Variants in RUSC1 observed in about 807,000 individuals in gnomAD.
The protein encoded by RUSC1 is AP-4 complex accessory subunit RUSC1.
Under a neutral mutation model 72.1 loss-of-function variants are expected in RUSC1, and 40 were observed. That is an observed-to-expected ratio of 0.55 (90% confidence interval 0.43 to 0.72). RUSC1 has a LOEUF of 0.72. RUSC1 is among the 30% of genes least tolerant of loss of function. RUSC1 has a pLI of 0.00. For missense variants in RUSC1, 1,092 were observed against 1,172.3 expected, an observed-to-expected ratio of 0.93 and a Z score of 1.00; for synonymous variants, 512 against 494.2, an observed-to-expected ratio of 1.04 and a Z score of -0.48.
Position 155,325,146 on chromosome 1 carries a change from C to T in RUSC1, c.1501C>T (p.His501Tyr), listed in dbSNP as rs1333016746. 5 of 1,614,124 alleles carry T rather than the reference C, an allele frequency of 3.1e-6. No homozygotes were observed. Among genetic ancestry groups the T allele is most frequent in the East Asian group, 4.5e-5 (2 of 44,900 alleles). ...VSVSVDKIIS[H>Y]FGAARNLVQK... is the part of the protein sequence containing the mutation. ...CGTCTCCGTTGATAAAATCATCTCGCATTTCGGGGCCGCCCGGAACTTGGT... is the reference window on the plus strand; with the variant it reads ...CGTCTCCGTTGATAAAATCATCTCGTATTTCGGGGCCGCCCGGAACTTGGT... Residue 501 changes from histidine to tyrosine, a missense_variant, in exon 4 of 10, where the codon CAT (histidine) becomes TAT (tyrosine). Physicochemically the swap from His to Tyr is moderately conservative, Grantham distance 83. Transcript: ENST00000368352. This position sits in a 1 kb window ranked among gnomAD's most constrained non-coding sequence, Gnocchi z 6.5.
In RUSC1 at chr1:155,321,679, G is replaced by A. The variant is rs60455144; in HGVS notation, c.-86-9G>A. On this transcript the variant is annotated splice_polypyrimidine_tract_variant and intron_variant, in intron 1 of 9. Transcript: ENST00000368352. ...TCACTGGCCGGGCTTCACCACCTCT[G>A]TCTTCTAGGTCTGCACCTGTGGTTG... The A allele has an allele frequency of 2.3e-3, 3,443 of 1,515,316 alleles. 69 individuals carry two copies. In the African/African-American group the frequency reaches 0.041, roughly 18 times the overall value. The allele number at this position is 1,515,316 out of a possible 1,614,324, so 93.9% of individuals were successfully genotyped here. A position where few individuals can be genotyped will look rare whatever the true frequency, so the allele number is the denominator to read the frequency against.
At chr1:155,323,211 T>A in intron 2 of RUSC1, 81 bp downstream of exon 2, 3 of 1,350,984 alleles carry the variant, frequency 2.2e-6, no homozygotes, top group Non-Finnish European at 2.9e-6. Context: ...CCCCCTGTCT[T>A]CCCTCCATTC....
In RUSC1 at chr1:155,325,215, G is replaced by A. The variant is rs778428376; in HGVS notation, c.1533+37G>A. ...TGGGGGGAGGCTGTTGGGATGAGGA[G>A]AGTAATGGAGCTCCGCGGGGGGTGC... On this transcript the variant is annotated intron_variant, in intron 4 of 9. Coordinates refer to ENST00000368352, the MANE Select transcript of RUSC1 (RefSeq NM_001105203.2). This position sits in a 1 kb window ranked among gnomAD's most constrained non-coding sequence, Gnocchi z 6.5. 1.2e-6 allele frequency: 2 copies of A among 1,613,980 alleles called. No homozygotes were observed. The highest frequency in any genetic ancestry group is 2.2e-5 in the South Asian group (2 of 91,084).
At chr1:155,321,274 G>T (rs368539967) in intron 1 of RUSC1, 1 of 1,368,242 alleles carries the variant, frequency 7.3e-7, no homozygotes, top group Admixed American at 1.9e-5. Context: ...CAAACTCTGC[G>T]TATTGCCCCA....
rs371550173 is a variant in RUSC1 at position 155,322,418 on chromosome 1, G to T, written c.645G>T (p.Ala215=). 3 of 1,614,010 alleles carry T rather than the reference G, an allele frequency of 1.9e-6. No individual in the cohort carries two copies. The African/African-American group carries it at 4.0e-5, about 22-fold the overall frequency. The change falls in exon 2 of 10, where the codon GCG becomes GCT. Residue 215 remains alanine, a synonymous_variant. Transcript: ENST00000368352. ...QDLPTSELLE[A]DDGKIDAGKT... is the part of the protein sequence containing the mutation. The stretch of plus-strand genomic sequence containing the variant: ...TCCCTACCTCTGAGCTCTTAGAGGC[G>T]GATGATGGGAAAATCGACGCTGGGA...
At chr1:155,321,439 C>A (rs534045514) in intron 1 of RUSC1, 85 of 1,421,834 alleles carry the variant, frequency 6.0e-5, no homozygotes, top group East Asian at 1.1e-4. Context: ...CCCCCGCCCC[C>A]CTTCGGAGAT....
At chr1:155,324,435 C>G (rs1651018642) in intron 2 of RUSC1, 1 of 1,612,960 alleles carries the variant, frequency 6.2e-7, no homozygotes, top group African/African-American at 1.3e-5. Context: ...CCACGTGCTC[C>G]CCGGGGCTCC....
Position 155,328,253 on chromosome 1 carries a change from C to G in RUSC1, c.2518C>G (p.Pro840Ala). ...TCCTCAGGAGCTTGAGGCCTCAGCA[C>G]CCAGGATGGTGCAAACCCATAGGTA... The part of the protein sequence containing the change: ...PSPQELEASA[P>A]RMVQTHRAVR... Residue 840 changes from proline (P) to alanine (A), a missense_variant, in exon 9 of 10, where the codon CCC (proline) becomes GCC (alanine). Transcript: ENST00000368352. 5.0e-6 allele frequency: 8 copies of G among 1,612,996 alleles called. No individual in the cohort carries two copies. The highest frequency in any genetic ancestry group is 6.8e-6 in the Non-Finnish European group (8 of 1,179,496).
At chr1:155,328,070 C>T in intron 8 of RUSC1, 80 bp from the exon 9 acceptor site, 1 of 1,531,820 alleles carries the variant, frequency 6.5e-7, no homozygotes, top group Non-Finnish European at 8.8e-7. Context: ...GGCCCCTTAG[C>T]CTCTCCCTCC....
At chr1:155,324,609 A>T (rs1651073240) in intron 2 of RUSC1, 2 of 1,534,234 alleles carry the variant, frequency 1.3e-6, no homozygotes, top group African/African-American at 2.8e-5. Context: ...GCCCTGAGGG[A>T]GGGCACAGGG....
intron 8 of RUSC1, 150 bp from the exon 9 acceptor site, chr1:155,328,000 A>C (rs1651593358): frequency 1.0e-6 from 1 of 981,048 alleles, no homozygotes; most frequent in Non-Finnish European, 1.5e-6. Flanking sequence ...GCCTGTGTCC[A>C]ATAATGAACA....
Position 155,326,617 on chromosome 1 carries a change from C to A in RUSC1, c.1899C>A (p.Phe633Leu), listed in dbSNP as rs1386601405. Residue 633 changes from phenylalanine to leucine, a missense_variant, in exon 8 of 10, where the codon TTC (phenylalanine) becomes TTA (leucine). Coordinates refer to ENST00000368352, the MANE Select transcript of RUSC1 (RefSeq NM_001105203.2). This position sits in a 1 kb window ranked among gnomAD's most constrained non-coding sequence, Gnocchi z 4.7. ...LSLLYLPTGF[F>L]SLARGGCPSL... ...TCCTGTACCTGCCAACAGGATTTTT[C>A]TCCCTGGCCCGCGGTGGTTGTCCCT... 1.2e-6 allele frequency: 2 copies of A among 1,613,754 alleles called. No homozygotes were observed. Among genetic ancestry groups the A allele is most frequent in the South Asian group, 2.2e-5 (2 of 91,064 alleles).
At chr1:155,324,138 C>T in intron 2 of RUSC1, 1 of 1,300,662 alleles carries the variant, frequency 7.7e-7, no homozygotes. Context: ...CTTTGGGTCA[C>T]ACCCTCTGTG....
At chr1:155,321,198 T>G (rs1650412811) in intron 1 of RUSC1, 1 of 1,365,960 alleles carries the variant, frequency 7.3e-7, no homozygotes, top group South Asian at 1.1e-5. Context: ...GATGCGGAGT[T>G]GACAAGCTGA....
Position 155,323,139 on chromosome 1 carries a change from T to TCG in RUSC1, c.1357+11_1357+12dup, listed in dbSNP as rs1650798977. ...GCAGGCCGGCCTGGAGGGTAAGAGG[T>TCG]CGCAAGAAGCGGGAGGAGGGCTGGG... On this transcript the variant is annotated intron_variant, in intron 2 of 9. Coordinates refer to ENST00000368352, the MANE Select transcript of RUSC1 (RefSeq NM_001105203.2). 1.4e-6 allele frequency: 2 copies of TCG among 1,400,290 alleles called. No individual in the cohort carries two copies. The highest frequency in any genetic ancestry group is 1.8e-6 in the Non-Finnish European group (2 of 1,084,184). The allele number at this position is 1,400,290 out of a possible 1,614,324, so 86.7% of individuals were successfully genotyped here. A position where few individuals can be genotyped will look rare whatever the true frequency, so the allele number is the denominator to read the frequency against.
Position 155,323,135 on chromosome 1 carries a change from G to A in RUSC1, c.1357+5G>A. On this transcript the variant is annotated splice_donor_5th_base_variant and intron_variant, in intron 2 of 9. Transcript: ENST00000368352. ...GCGCGCAGGCCGGCCTGGAGGGTAA[G>A]AGGTCGCAAGAAGCGGGAGGAGGGC... The A allele has an allele frequency of 1.4e-6, 2 of 1,405,232 alleles. No homozygotes were observed. The highest frequency in any genetic ancestry group is 1.8e-6 in the Non-Finnish European group (2 of 1,086,530). The allele number at this position is 1,405,232 out of a possible 1,614,324, so 87.0% of individuals were successfully genotyped here.
chr1:155,325,536 G>C lies in RUSC1; in HGVS notation c.1709-31G>C. On this transcript the variant is annotated intron_variant, in intron 5 of 9. Transcript: ENST00000368352. The surrounding 1 kb of genome is among the most constrained non-coding windows in gnomAD (Gnocchi z 6.5). ...ACCCGGCAGTGCGCAGGGCAGGGCC[G>C]GGCTTGGCTGACTGCACCCCACGTT... The C allele has an allele frequency of 6.2e-7, 1 of 1,606,496 alleles. No homozygotes were observed.
Position 155,322,081 on chromosome 1 carries a change from C to G in RUSC1, c.308C>G (p.Ser103Cys). Reference sequence around the variant, plus strand: ...GCCTCTCCCTCAGACCCAGGCTGCTCCTCCTCACTCAGCTCCTGCTCAGAT... The same window carrying G: ...GCCTCTCCCTCAGACCCAGGCTGCTGCTCCTCACTCAGCTCCTGCTCAGAT... The part of the protein sequence containing the change: ...GAASPSDPGC[S>C]SSLSSCSDLS... The change falls in exon 2 of 10, where the codon TCC (serine) becomes TGC (cysteine). Residue 103 changes from serine (S) to cysteine (C), a missense_variant. Coordinates refer to ENST00000368352, the MANE Select transcript of RUSC1 (RefSeq NM_001105203.2). 2 of 1,613,868 alleles carry G rather than the reference C, an allele frequency of 1.2e-6. No homozygotes were observed. The highest frequency in any genetic ancestry group is 1.7e-6 in the Non-Finnish European group (2 of 1,179,824).
At chr1:155,324,511 C>A in intron 2 of RUSC1, 1 of 1,605,550 alleles carries the variant, frequency 6.2e-7, no homozygotes. Flanking sequence ...CCCGTCCTCT[C>A]CCGCCCTACA....
Sources: allele counts gnomAD v4.1 joint callset, GRCh38; gene constraint gnomAD v4.1.1; non-coding constraint Gnocchi (gnomAD v3.1); transcripts MANE v1.5; gene names NCBI Gene and HGNC (gene_info 2026-07-23, HGNC 2026-07-21).